Variants in CLSTN2 observed in about 807,000 individuals in gnomAD.
The protein encoded by CLSTN2 is calsyntenin 2.
Under a neutral mutation model 101.2 loss-of-function variants are expected in CLSTN2, and 48 were observed. The observed-to-expected ratio is 0.47, with a 90% CI of 0.38 to 0.60. The LOEUF is 0.60. Ranked by LOEUF, CLSTN2 falls within the 20% of genes least tolerant of loss-of-function variation. The pLI is 0.00. For missense variants in CLSTN2, 1,160 were observed against 1,238.2 expected, an observed-to-expected ratio of 0.94 and a Z score of 0.95; for synonymous variants, 481 against 463.6, an observed-to-expected ratio of 1.04 and a Z score of -0.48.
intron 4 of CLSTN2, among the ~76,000 whole-genome samples, chr3:140,405,959 G>A (rs13084893): frequency 0.14 from 20,705 of 152,128 alleles, 1,810 homozygotes; most frequent in African/African-American, 0.25. Flanking sequence ...GCATGGTGCT[G>A]AACACTGGAA....
chr3:139,954,863 C>A lies in CLSTN2; in HGVS notation c.109+19380C>A, dbSNP rs78240211. Among the ~76,000 whole-genome samples, 9 of 151,872 alleles carry A rather than the reference C, an allele frequency of 5.9e-5. No individual in the cohort carries two copies. In the East Asian group the frequency reaches 9.7e-4, roughly 16 times the overall value. ...AAAAATCTGATTGATACAAATTCTG[C>A]GTTTCTCTAAGAGACTTAGTGCACC... On this transcript the variant is annotated intron_variant, in intron 1 of 16. Transcript: ENST00000458420.
At chr3:140,083,944 A>T (rs1436776067) in intron 1 of CLSTN2, among the ~76,000 whole-genome samples, 1 of 152,226 alleles carries the variant, frequency 6.6e-6, no homozygotes, top group Non-Finnish European at 1.5e-5. Context: ...AGTAAGCATC[A>T]AAAGTGGACT....
At chr3:140,322,092 T>G (rs2087289188) in intron 2 of CLSTN2, among the ~76,000 whole-genome samples, 1 of 152,044 alleles carries the variant, frequency 6.6e-6, no homozygotes, top group African/African-American at 2.4e-5. Flanking sequence ...AGGGGCAGAG[T>G]GTTAGTCATA....
intron 1 of CLSTN2, among the ~76,000 whole-genome samples, chr3:139,966,126 G>A (rs952522955): frequency 9.2e-5 from 14 of 152,122 alleles, no homozygotes; most frequent in African/African-American, 2.9e-4. Flanking sequence ...GCTCCACAGG[G>A]CCAGTGTTGT....
At chr3:140,543,935 G>C (rs771463629) in intron 9 of CLSTN2, among the ~76,000 whole-genome samples, 13 of 152,182 alleles carry the variant, frequency 8.5e-5, no homozygotes, top group Non-Finnish European at 1.5e-4. Flanking sequence ...AGGTGCAATA[G>C]GGAAGGAATA....
rs972884752 is a variant in CLSTN2, at chr3:140,137,708, G to A, written c.110-38243G>A. 1.6e-4 allele frequency among the ~76,000 whole-genome samples: 25 copies of A among 152,242 alleles called. No homozygotes were observed. The East Asian group carries it at 1.7e-3, about 11-fold the overall frequency. Reference sequence around the variant, plus strand: ...GCTAATATTTACATAATGCTTTGCCGTTTACAAAGCACTGTCTCAGCCTTT... The same window carrying A: ...GCTAATATTTACATAATGCTTTGCCATTTACAAAGCACTGTCTCAGCCTTT... On this transcript the variant is annotated intron_variant, in intron 1 of 16. Coordinates refer to ENST00000458420, the MANE Select transcript of CLSTN2 (RefSeq NM_022131.3).
intron 5 of CLSTN2, among the ~76,000 whole-genome samples, chr3:140,427,699 T>A (rs2107995785): frequency 6.6e-6 from 1 of 152,284 alleles, no homozygotes; most frequent in South Asian, 2.1e-4. Context: ...CCTGTGGGGA[T>A]CCCAGTATGC....
chr3:139,940,472 C>G (rs541050972), intron 1 of CLSTN2, among the ~76,000 whole-genome samples: 3 of 152,150 alleles, frequency 2.0e-5, no homozygotes, highest in Admixed American at 6.5e-5. Flanking sequence ...GTAAAATGCA[C>G]TAAATATACA....
chr3:140,112,076 C>T (rs1184522878), intron 1 of CLSTN2, among the ~76,000 whole-genome samples: 2 of 152,220 alleles, frequency 1.3e-5, no homozygotes, highest in Non-Finnish European at 2.9e-5. Context: ...GCTCAAAACC[C>T]AGTGAAAGAA....
intron 8 of CLSTN2, among the ~76,000 whole-genome samples, chr3:140,504,004 G>A (rs2107763761): frequency 1.3e-5 from 2 of 152,218 alleles, no homozygotes; most frequent in East Asian, 3.9e-4. Flanking sequence ...AGCAGATAAA[G>A]CCACAAAATC....
At chr3:140,198,375 A>G (rs1378083756) in intron 2 of CLSTN2, among the ~76,000 whole-genome samples, 1 of 152,192 alleles carries the variant, frequency 6.6e-6, no homozygotes, top group Non-Finnish European at 1.5e-5. Context: ...TGTGCATAGG[A>G]GACTGGGCAC....
intron 1 of CLSTN2, among the ~76,000 whole-genome samples, chr3:139,956,160 A>G (rs796923772): frequency 2.5e-4 from 38 of 152,310 alleles, no homozygotes; most frequent in African/African-American, 8.9e-4. Flanking sequence ...GTCCATAAGT[A>G]GTGGTATTAG....
At chr3:140,429,455 C>T (rs1044658982) in intron 5 of CLSTN2, among the ~76,000 whole-genome samples, 1 of 152,000 alleles carries the variant, frequency 6.6e-6, no homozygotes, top group Non-Finnish European at 1.5e-5. Flanking sequence ...AGGGGGTATT[C>T]CAGACTAGAA....
chr3:140,052,349 G>C (rs1455193104), intron 1 of CLSTN2, among the ~76,000 whole-genome samples: 1 of 152,054 alleles, frequency 6.6e-6, no homozygotes, highest in Non-Finnish European at 1.5e-5. Context: ...AGTAAGACAG[G>C]GTTTTACCGT....
chr3:140,236,476 C>T (rs568343648), intron 2 of CLSTN2, among the ~76,000 whole-genome samples: 35 of 152,174 alleles, frequency 2.3e-4, no homozygotes, highest in African/African-American at 8.2e-4. Context: ...TCATTTCTTC[C>T]ACTTCAGCCT....
At chr3:140,548,790 G>A (rs73870105) in intron 10 of CLSTN2, among the ~76,000 whole-genome samples, 4,554 of 152,224 alleles carry the variant, frequency 0.03, 82 homozygotes, top group Non-Finnish European at 0.035. Context: ...AGGTGTTTAC[G>A]TTTTTTTCTG....
At chr3:140,258,507 G>C (rs561613910) in intron 2 of CLSTN2, among the ~76,000 whole-genome samples, 15 of 152,322 alleles carry the variant, frequency 9.8e-5, no homozygotes, top group African/African-American at 3.1e-4. Context: ...TGGAAAAGCA[G>C]TGAATGTGTC....
chr3:140,119,174 C>T (rs933949285), intron 1 of CLSTN2, among the ~76,000 whole-genome samples: 4 of 152,238 alleles, frequency 2.6e-5, no homozygotes, highest in South Asian at 2.1e-4. Flanking sequence ...TGTCAACTGC[C>T]GGCTTCTCCA....
chr3:140,116,697 C>T (rs1004114189), intron 1 of CLSTN2, among the ~76,000 whole-genome samples: 1 of 152,100 alleles, frequency 6.6e-6, no homozygotes, highest in Non-Finnish European at 1.5e-5. Context: ...CATTTATCAC[C>T]ATATCCCTAT....
Sources: gnomAD v4.1 joint callset for allele counts (sites outside exome capture counted in the v4.1 genomes callset) on GRCh38, gnomAD v4.1.1 for gene constraint, MANE v1.5 for transcripts, NCBI Gene and HGNC (gene_info 2026-07-23, HGNC 2026-07-21) for gene names.